The following DMGDH variants were observed in gnomAD, a reference collection of about 807,000 sequenced individuals.
DMGDH encodes dimethylglycine dehydrogenase, also known as dimethylglycine dehydrogenase, mitochondrial.
A neutral mutation model predicts 95.2 loss-of-function variants in DMGDH; 76 were observed. The observed-to-expected ratio is 0.80, with a 90% confidence interval of 0.66 to 0.97. The LOEUF (loss-of-function observed/expected upper bound fraction) is 0.97. DMGDH is among the 50% of genes least tolerant of loss of function. The pLI, the probability that DMGDH is intolerant of heterozygous loss-of-function variation, is 0.00. For missense variants in DMGDH, 987 were observed against 1,055.0 expected (o/e 0.94, Z 0.89); for synonymous variants, 345 against 377.6 (o/e 0.91, Z 1.00).
intron 7 of DMGDH, among the ~76,000 whole-genome samples, chr5:79,038,607 G>T (rs890253664): frequency 3.3e-5 from 5 of 152,140 alleles, no homozygotes; most frequent in Admixed American, 3.3e-4. Flanking sequence ...AGATGCTGTG[G>T]TATAATAAAA....
intron 9 of DMGDH, among the ~76,000 whole-genome samples, chr5:79,031,395 G>T (rs1754175539): frequency 6.6e-6 from 1 of 152,200 alleles, no homozygotes; most frequent in Non-Finnish European, 1.5e-5. Flanking sequence ...TGTCTGGGTT[G>T]GGAGGCGGGG....
intron 4 of DMGDH, among the ~76,000 whole-genome samples, chr5:79,051,757 T>C (rs1580222671): frequency 1.3e-5 from 2 of 152,196 alleles, no homozygotes; most frequent in African/African-American, 4.8e-5. Context: ...CCAACTGATA[T>C]ATCAATTATA....
chr5:79,057,462 A>G (rs1755064067), intron 2 of DMGDH, among the ~76,000 whole-genome samples: 2 of 152,142 alleles, frequency 1.3e-5, no homozygotes, highest in South Asian at 4.1e-4. Flanking sequence ...CTTTATAACC[A>G]AAACCCTGAG....
intron 14 of DMGDH, among the ~76,000 whole-genome samples, chr5:79,010,950 T>G (rs1014501667): frequency 6.6e-6 from 1 of 152,188 alleles, no homozygotes; most frequent in South Asian, 2.1e-4. Flanking sequence ...GAAAAGCTTC[T>G]CATTTAGAAT....
chr5:79,012,524 G>A (rs1224338592), intron 14 of DMGDH, among the ~76,000 whole-genome samples: 1 of 152,184 alleles, frequency 6.6e-6, no homozygotes, highest in East Asian at 1.9e-4. Context: ...GGGACTCTGT[G>A]TGGGGGCTCC....
At chr5:79,062,078 CA>C (rs1297028882) in intron 2 of DMGDH, among the ~76,000 whole-genome samples, 2 of 152,064 alleles carry the variant, frequency 1.3e-5, no homozygotes, top group East Asian at 3.9e-4. Flanking sequence ...CACTTGCCTA[CA>C]TTTCCCTGCC....
intron 7 of DMGDH, among the ~76,000 whole-genome samples, chr5:79,034,616 T>C (rs1011645760): frequency 6.6e-6 from 1 of 152,148 alleles, no homozygotes; most frequent in African/African-American, 2.4e-5. Flanking sequence ...ACAGAAATGC[T>C]AGTATCCCCA....
intron 7 of DMGDH, among the ~76,000 whole-genome samples, chr5:79,040,009 T>A (rs1754463204): frequency 6.6e-6 from 1 of 152,022 alleles, no homozygotes; most frequent in South Asian, 2.1e-4. Flanking sequence ...GAATCCTTTA[T>A]AATAAAAGAG....
chr5:79,051,762 A>G (rs1754871811), intron 4 of DMGDH, among the ~76,000 whole-genome samples: 1 of 152,186 alleles, frequency 6.6e-6, no homozygotes, highest in South Asian at 2.1e-4. Context: ...TGATATATCA[A>G]TTATAATTTA....
chr5:79,069,523 T>C lies in DMGDH; in HGVS notation c.98A>G (p.Glu33Gly). 1 of 1,289,608 alleles carries C rather than the reference T, an allele frequency of 7.8e-7. No individual in the cohort carries two copies. Among genetic ancestry groups the C allele is most frequent in the South Asian group, 2.5e-5 (1 of 40,498 alleles). The allele number at this position is 1,289,608 out of a possible 1,614,324, so 79.9% of individuals were successfully genotyped here. Reference protein sequence around the residue: ...PGRPRSVCGREGEEKPPLSAE... With the variant: ...PGRPRSVCGRGGEEKPPLSAE... The stretch of plus-strand genomic sequence containing the variant: ...AGCAGGACGGGGCCCCACTCACCCT[T>C]CCCGGCCGCAGACAGAGCGCGGGCG... The change falls in exon 1 of 16, where the codon GAA (glutamate) becomes GGA (glycine). Residue 33 changes from glutamate to glycine, a missense_variant. By Grantham distance (98) the Glu-to-Gly change is moderately conservative. Transcript: ENST00000255189.
intron 11 of DMGDH, among the ~76,000 whole-genome samples, chr5:79,028,915 C>T (rs1470557435): frequency 6.6e-6 from 1 of 152,122 alleles, no homozygotes; most frequent in Non-Finnish European, 1.5e-5. Context: ...TGAGCTCTGC[C>T]ACACAATTCT....
intron 14 of DMGDH, among the ~76,000 whole-genome samples, chr5:79,012,018 T>A (rs1753656232): frequency 6.6e-6 from 1 of 152,126 alleles, no homozygotes; most frequent in Non-Finnish European, 1.5e-5. Context: ...CTTCCCAGAG[T>A]TCCCCAAAGT....
At chr5:79,069,430 A>G in intron 1 of DMGDH, 90 bp downstream of exon 1, 1 of 649,506 alleles carries the variant, frequency 1.5e-6, no homozygotes, top group Middle Eastern at 2.7e-4. Flanking sequence ...TGGAGGCCAG[A>G]GCGCTCCTAA....
At chr5:79,034,149 T>C (rs565147037) in intron 7 of DMGDH, among the ~76,000 whole-genome samples, 36 of 152,008 alleles carry the variant, frequency 2.4e-4, no homozygotes, top group Non-Finnish European at 3.8e-4. Flanking sequence ...GAGAAACATA[T>C]GTACTGTGGT....
rs1280189150 is a variant in DMGDH at position 79,069,615 on chromosome 5, G to C, written c.6C>G (p.Leu2=). 1.2e-5 allele frequency: 17 copies of C among 1,382,330 alleles called. No homozygotes were observed. The highest frequency in any genetic ancestry group is 1.5e-5 in the Non-Finnish European group (16 of 1,067,266). The allele number at this position is 1,382,330 out of a possible 1,614,324, so 85.6% of individuals were successfully genotyped here. The change falls in exon 1 of 16, where the codon CTC becomes CTG. Residue 2 remains leucine (L), a synonymous_variant. Transcript: ENST00000255189. ...CCCGCAGCAGCTGCGCGCCGGGACG[G>C]AGCATGACTAGGCCGAGGCCGAGGG... M[L]RPGAQLLRGL...
At chr5:79,033,550 AT>A (rs1754253752) in intron 7 of DMGDH, 142 bp from the exon 8 acceptor site, 2 of 1,022,700 alleles carry the variant, frequency 2.0e-6, no homozygotes, top group East Asian at 2.5e-5. Flanking sequence ...CTATGGAACA[AT>A]TTTTTCCTTA....
chr5:79,014,770 T>G (rs1753699570), intron 14 of DMGDH, among the ~76,000 whole-genome samples: 2 of 152,208 alleles, frequency 1.3e-5, no homozygotes, highest in Non-Finnish European at 2.9e-5. Flanking sequence ...ATGAGAAAAC[T>G]GAAATGCTCA....
chr5:79,058,653 A>C (rs925107859), intron 2 of DMGDH, among the ~76,000 whole-genome samples: 5 of 152,204 alleles, frequency 3.3e-5, no homozygotes, highest in African/African-American at 1.2e-4. Context: ...GCTGGTAGAG[A>C]AGATAAGGAA....
At chr5:79,025,786 A>G (rs1252188051) in intron 13 of DMGDH, among the ~76,000 whole-genome samples, 1 of 152,198 alleles carries the variant, frequency 6.6e-6, no homozygotes, top group Non-Finnish European at 1.5e-5. Context: ...ATAGCCTGCC[A>G]TATTGGAAAT....
Sources: allele counts gnomAD v4.1 joint callset (sites outside exome capture counted in the v4.1 genomes callset), GRCh38; gene constraint gnomAD v4.1.1; transcripts MANE v1.5; gene names NCBI Gene and HGNC (gene_info 2026-07-23, HGNC 2026-07-21).